The following MAGI1 variants were observed in gnomAD, a reference collection of about 807,000 sequenced individuals.
MAGI1 encodes membrane associated guanylate kinase, WW and PDZ domain containing 1.
In MAGI1, 58 loss-of-function variants were observed where a neutral mutation model predicts 139.9. That is an observed-to-expected ratio of 0.41 (90% CI 0.34 to 0.52). MAGI1 has a LOEUF of 0.52. Ranked by LOEUF, MAGI1 falls within the 20% of genes least tolerant of loss-of-function variation. MAGI1 has a pLI of 0.12. For missense variants in MAGI1, 1,874 were observed against 1,901.6 expected, an observed-to-expected ratio of 0.99 and a Z score of 0.27; for synonymous variants, 812 against 737.9, an observed-to-expected ratio of 1.10 and a Z score of -1.63.
chr3:66,031,599 G>C (rs975533449), intron 1 of MAGI1, among the ~76,000 whole-genome samples: 1 of 152,002 alleles, frequency 6.6e-6, no homozygotes, highest in African/African-American at 2.4e-5. Flanking sequence ...AACCTGTACA[G>C]TGTTCCACAG....
chr3:65,707,614 TGA>T (rs57812223), intron 1 of MAGI1, among the ~76,000 whole-genome samples: 15,509 of 148,828 alleles, frequency 0.1, 887 homozygotes, highest in African/African-American at 0.12. Flanking sequence ...TGCTTAAACC[TGA>T]GAGGTTGAAG....
intron 1 of MAGI1, among the ~76,000 whole-genome samples, chr3:65,793,233 TA>T (rs1320197480): frequency 6.6e-6 from 1 of 152,210 alleles, no homozygotes; most frequent in African/African-American, 2.4e-5. Context: ...TCTCAGGGCT[TA>T]GCCAGTTTAG....
At chr3:65,708,814 T>C (rs537849615) in intron 1 of MAGI1, among the ~76,000 whole-genome samples, 39 of 152,338 alleles carry the variant, frequency 2.6e-4, no homozygotes, top group South Asian at 1.2e-3. Context: ...CCTTCCCTTC[T>C]TTCTTCTTTT....
intron 1 of MAGI1, among the ~76,000 whole-genome samples, chr3:65,907,892 C>A (rs548213895): frequency 1.3e-5 from 2 of 152,108 alleles, no homozygotes; most frequent in Non-Finnish European, 2.9e-5. Flanking sequence ...CTCATACTTG[C>A]GTCTCAACTT....
At position 65,627,680 on chromosome 3, in the gene MAGI1, G is replaced by A. The variant is rs138870005; in HGVS notation, c.314-5592C>T. Among the ~76,000 whole-genome samples, 823 of 151,284 alleles carry A rather than the reference G, an allele frequency of 5.4e-3. 7 individuals are homozygous for A. Among genetic ancestry groups the A allele is most frequent in the African/African-American group, 0.018 (757 of 41,282 alleles). ...CCACCACCATGCCCAGCTAATTTTT[G>A]TATTTTTAGTAGAGATGGGGTTTCA... On this transcript the variant is annotated intron_variant, in intron 1 of 22. Transcript: ENST00000402939.
intron 1 of MAGI1, chr3:65,893,724 G>A (rs191220858): frequency 3.4e-4 from 52 of 152,262 alleles, no homozygotes; most frequent in African/African-American, 1.0e-3. Context: ...CTACTGCTGC[G>A]TAATAAATCA....
intron 2 of MAGI1, among the ~76,000 whole-genome samples, chr3:65,530,624 G>GTGGTGT (rs1204700107): frequency 7.7e-4 from 100 of 129,064 alleles, no homozygotes; most frequent in Admixed American, 1.1e-3. Context: ...ATGTGTGTGT[G>GTGGTGT]GTGTGTGTGT....
At chr3:65,392,536 C>A (rs17417230) in intron 13 of MAGI1, among the ~76,000 whole-genome samples, 44,630 of 152,020 alleles carry the variant, frequency 0.29, 8,780 homozygotes, top group Non-Finnish European at 0.44. Flanking sequence ...CTTGATCATT[C>A]TAGATCCCTG....
At chr3:65,470,218 A>G in intron 5 of MAGI1, 65 bp downstream of exon 5, 2 of 1,148,754 alleles carry the variant, frequency 1.7e-6, no homozygotes, top group East Asian at 2.4e-5. Context: ...GGCAACTGCT[A>G]GACAGAGGGA....
intron 3 of MAGI1, among the ~76,000 whole-genome samples, 169 bp from the exon 4 acceptor site, chr3:65,478,967 C>G (rs1329743016): frequency 6.6e-6 from 1 of 151,842 alleles, no homozygotes; most frequent in Non-Finnish European, 1.5e-5. Flanking sequence ...CTTTCCTATC[C>G]AGCTAGACAC....
intron 2 of MAGI1, among the ~76,000 whole-genome samples, chr3:65,592,660 G>A (rs1031331207): frequency 1.3e-5 from 2 of 152,146 alleles, no homozygotes; most frequent in Non-Finnish European, 2.9e-5. Flanking sequence ...GAAAAGTTAG[G>A]AGGGAAACAA....
At chr3:65,569,227 T>C (rs901923385) in intron 2 of MAGI1, among the ~76,000 whole-genome samples, 1 of 152,086 alleles carries the variant, frequency 6.6e-6, no homozygotes, top group Non-Finnish European at 1.5e-5. Flanking sequence ...GTACCTAGAA[T>C]AGTCAAATTC....
intron 7 of MAGI1, among the ~76,000 whole-genome samples, chr3:65,444,969 G>A (rs1317561358): frequency 6.6e-6 from 1 of 152,202 alleles, no homozygotes; most frequent in East Asian, 1.9e-4. Flanking sequence ...GAAGATGGTT[G>A]TCCTAGAATT....
At chr3:66,007,513 G>A (rs1034636481) in intron 1 of MAGI1, among the ~76,000 whole-genome samples, 1 of 152,204 alleles carries the variant, frequency 6.6e-6, no homozygotes, top group African/African-American at 2.4e-5. Flanking sequence ...GAGGAGGAGA[G>A]CGAGGAAGAG....
At chr3:66,010,291 G>A (rs2067260814) in intron 1 of MAGI1, among the ~76,000 whole-genome samples, 1 of 152,126 alleles carries the variant, frequency 6.6e-6, no homozygotes, top group Admixed American at 6.6e-5. Flanking sequence ...CTCAGGTACT[G>A]AGTGTGAGTC....
intron 1 of MAGI1, among the ~76,000 whole-genome samples, chr3:65,691,208 C>T (rs909258767): frequency 1.3e-5 from 2 of 150,046 alleles, no homozygotes; most frequent in African/African-American, 4.9e-5. Flanking sequence ...GAGGCTGAGG[C>T]AGGAGAATGG....
chr3:66,018,970 T>C (rs879895485), intron 1 of MAGI1, among the ~76,000 whole-genome samples: 5 of 152,214 alleles, frequency 3.3e-5, no homozygotes, highest in African/African-American at 7.2e-5. Context: ...GGAAGGTACC[T>C]ACCCACACCA....
At chr3:65,591,799 A>G (rs2081975734) in intron 2 of MAGI1, among the ~76,000 whole-genome samples, 1 of 152,138 alleles carries the variant, frequency 6.6e-6, no homozygotes, top group South Asian at 2.1e-4. Flanking sequence ...GGCCTTTGCA[A>G]TGGATTGGCT....
In MAGI1 at chr3:65,602,092, T is replaced by C. The variant is rs75375275; in HGVS notation, c.430+19880A>G. ...AAGGACAAGTAAGTAACGATGTTGATAATTGGAAGTGTCCTGTATGCTAAT... is the reference window on the plus strand; with the variant it reads ...AAGGACAAGTAAGTAACGATGTTGACAATTGGAAGTGTCCTGTATGCTAAT... On this transcript the variant is annotated intron_variant, in intron 2 of 22. Transcript: ENST00000402939. Among the ~76,000 whole-genome samples the C allele has an allele frequency of 3.2e-4, 48 of 152,238 alleles. No individual in the cohort carries two copies. In the East Asian group the frequency reaches 9.1e-3, roughly 29 times the overall value.
Sources: allele counts gnomAD v4.1 joint callset (sites outside exome capture counted in the v4.1 genomes callset), GRCh38; gene constraint gnomAD v4.1.1; transcripts MANE v1.5; gene names NCBI Gene and HGNC (gene_info 2026-07-23, HGNC 2026-07-21).